The following RARB variants were observed in gnomAD, a reference collection of about 807,000 sequenced individuals.
RARB encodes the protein retinoic acid receptor beta, also known as HBV-activated protein.
Under a neutral mutation model 51.9 loss-of-function variants are expected in RARB, and 17 were observed. That is an observed-to-expected ratio of 0.33 (90% CI 0.22 to 0.49). The LOEUF (loss-of-function observed/expected upper bound fraction) is 0.49. Among genes scored for constraint, RARB ranks in the 20% least tolerant of loss-of-function variants. The probability of loss-of-function intolerance (pLI) is 0.99; values close to 1 mark genes in which losing one functional copy is unlikely to be tolerated. For synonymous variants in RARB, 215 were observed against 195.4 expected, an observed-to-expected ratio of 1.10 and a Z score of -0.84; for missense variants, 369 against 550.8, an observed-to-expected ratio of 0.67 and a Z score of 3.30.
chr3:25,267,142 C>T (rs1421216058), intron 5 of RARB, among the ~76,000 whole-genome samples: 2 of 152,298 alleles, frequency 1.3e-5, no homozygotes, highest in Admixed American at 6.5e-5. Flanking sequence ...CTAGCTACAG[C>T]AGATTGTACC....
chr3:25,211,125 A>C (rs527644044), intron 5 of RARB, among the ~76,000 whole-genome samples: 1 of 152,332 alleles, frequency 6.6e-6, no homozygotes, highest in African/African-American at 2.4e-5. Flanking sequence ...ACTTTTATTC[A>C]TCAGATCAAT....
At chr3:25,061,110 C>T (rs1003685065) in intron 3 of RARB, among the ~76,000 whole-genome samples, 2 of 151,770 alleles carry the variant, frequency 1.3e-5, no homozygotes, top group Non-Finnish European at 2.9e-5. Context: ...GATTAACATA[C>T]TTGGCCTGGA....
intron 5 of RARB, among the ~76,000 whole-genome samples, chr3:25,261,315 A>G (rs1702991699): frequency 6.6e-6 from 1 of 151,676 alleles, no homozygotes; most frequent in South Asian, 2.1e-4. Flanking sequence ...TTCTTCTTGA[A>G]ACTCTCTATT....
At chr3:25,490,468 G>A (rs1042383804) in intron 2 of RARB, among the ~76,000 whole-genome samples, 1 of 152,178 alleles carries the variant, frequency 6.6e-6, no homozygotes, top group African/African-American at 2.4e-5. Flanking sequence ...ATGGCCAAAT[G>A]TTGCATACCA....
intron 2 of RARB, among the ~76,000 whole-genome samples, chr3:24,915,975 C>G (rs1260946269): frequency 6.6e-6 from 1 of 152,116 alleles, no homozygotes; most frequent in South Asian, 2.1e-4. Flanking sequence ...CACCTACATT[C>G]AAGGCCTGAG....
Position 25,037,115 on chromosome 3 carries a change from G to A in RARB, c.-379-23010G>A, listed in dbSNP as rs140279460. On this transcript the variant is annotated intron_variant, in intron 2 of 11. Coordinates refer to the RARB transcript ENST00000383772. ...CTGACATTTATAGCTTCGTTGAAGC[G>A]GAGACATGGCATTTGGCTTCAGATT... is the stretch of plus-strand genomic sequence containing the variant. 9.9e-5 allele frequency among the ~76,000 whole-genome samples: 15 copies of A among 152,224 alleles called. No individual in the cohort carries two copies. The East Asian group carries it at 1.7e-3, about 18-fold the overall frequency.
chr3:25,410,513 A>G (rs1342083126), intron 5 of RARB, among the ~76,000 whole-genome samples: 1 of 152,204 alleles, frequency 6.6e-6, no homozygotes, highest in Non-Finnish European at 1.5e-5. Flanking sequence ...GAACTCGCTG[A>G]GCCTAGTGAC....
At chr3:25,065,788 C>T (rs776085747) in intron 3 of RARB, among the ~76,000 whole-genome samples, 2 of 152,094 alleles carry the variant, frequency 1.3e-5, no homozygotes, top group African/African-American at 4.8e-5. Context: ...AAAGGGCTCA[C>T]GCATAGAAGG....
chr3:25,512,432 T>C (rs1697941490), intron 3 of RARB, among the ~76,000 whole-genome samples: 1 of 152,186 alleles, frequency 6.6e-6, no homozygotes, highest in Non-Finnish European at 1.5e-5. Context: ...ACTTCATCGC[T>C]TACACAATCA....
chr3:24,844,457 C>CT (rs1702461915), intron 1 of RARB, among the ~76,000 whole-genome samples: 1 of 152,184 alleles, frequency 6.6e-6, no homozygotes, highest in Non-Finnish European at 1.5e-5. Context: ...CTCAAAATCT[C>CT]TATCGGTTTC....
intron 5 of RARB, among the ~76,000 whole-genome samples, chr3:25,590,075 A>AAAAGAAGACAT (rs1701555151): frequency 2.0e-5 from 3 of 152,316 alleles, no homozygotes; most frequent in African/African-American, 7.2e-5. Flanking sequence ...CTCCTCAGAT[A>AAAAGAAGACAT]AAAGAAGACA....
At chr3:25,407,154 T>A (rs1000021333) in intron 5 of RARB, among the ~76,000 whole-genome samples, 9 of 152,210 alleles carry the variant, frequency 5.9e-5, no homozygotes, top group African/African-American at 2.2e-4. Context: ...CAAAATGGCT[T>A]CGGCAGTTCC....
chr3:25,357,486 C>T (rs551578401), intron 5 of RARB, among the ~76,000 whole-genome samples: 1 of 152,250 alleles, frequency 6.6e-6, no homozygotes, highest in Non-Finnish European at 1.5e-5. Context: ...ATGATAGTTT[C>T]TTTTGCTGTG....
At chr3:25,367,817 C>CAAAAAAAAAAAAAAAAAAAA (rs369165017) in intron 5 of RARB, among the ~76,000 whole-genome samples, 1 of 125,552 alleles carries the variant, frequency 8.0e-6, no homozygotes, top group East Asian at 2.3e-4. Flanking sequence ...AAAAAACAAG[C>CAAAAAAAAAAAAAAAAAAAA]AAAAAAAAAA....
intron 2 of RARB, among the ~76,000 whole-genome samples, chr3:24,974,499 A>G (rs541301499): frequency 6.6e-6 from 1 of 152,102 alleles, no homozygotes; most frequent in Non-Finnish European, 1.5e-5. Flanking sequence ...TGGATGTTAA[A>G]ATACATGATC....
intron 1 of RARB, chr3:24,858,614 A>T (rs1702677885): frequency 6.6e-6 from 1 of 152,152 alleles, no homozygotes. Context: ...TGAATAATCT[A>T]ATTTCTTTTT....
At chr3:24,889,497 C>A (rs1243836344) in intron 2 of RARB, among the ~76,000 whole-genome samples, 1 of 152,048 alleles carries the variant, frequency 6.6e-6, no homozygotes, top group Non-Finnish European at 1.5e-5. Context: ...AATTTTATTT[C>A]CAAAGAAATT....
chr3:24,850,274 A>T (rs1315352609), intron 1 of RARB, among the ~76,000 whole-genome samples: 1 of 152,172 alleles, frequency 6.6e-6, no homozygotes, highest in East Asian at 1.9e-4. Context: ...CCATTTACTC[A>T]TGTAGTCTCT....
Position 25,085,568 on chromosome 3 carries a change from C to T in RARB, c.-328+25392C>T, listed in dbSNP as rs562522967. Among the ~76,000 whole-genome samples, 49 of 152,098 alleles carry T rather than the reference C, an allele frequency of 3.2e-4. 1 individual carries two copies. In the South Asian group the frequency reaches 1.0e-2, roughly 31 times the overall value. ...GGCCCCTGTCAATTTTTCTTTATAC[C>T]ATATCCAATTCAATTCATTTATCTT... On this transcript the variant is annotated intron_variant, in intron 3 of 11. Transcript: ENST00000383772.
Sources: gnomAD v4.1 joint callset for allele counts (sites outside exome capture counted in the v4.1 genomes callset) on GRCh38, gnomAD v4.1.1 for gene constraint, MANE v1.5 for transcripts, NCBI Gene and HGNC (gene_info 2026-07-23, HGNC 2026-07-21) for gene names.